ATP2B2: variants seen among roughly 807,000 people sequenced by gnomAD.
ATP2B2 encodes the protein plasma membrane calcium-transporting ATPase 2.
A neutral mutation model predicts 120.0 loss-of-function variants in ATP2B2; 15 were observed. The ratio of observed to expected loss-of-function variants is 0.12; its 90% CI spans 0.08 to 0.19. ATP2B2 has a LOEUF of 0.19. Among genes scored for constraint, ATP2B2 ranks in the 10% least tolerant of loss-of-function variants. ATP2B2 has a pLI of 1.00. For synonymous variants in ATP2B2, 694 were observed against 700.3 expected (o/e 0.99, Z 0.14); for missense variants, 1,045 against 1,719.8 (o/e 0.61, Z 6.94).
At chr3:10,338,044 G>A in intron 22 of ATP2B2, 132 bp downstream of exon 22, 1 of 1,189,366 alleles carries the variant, frequency 8.4e-7, no homozygotes, top group Non-Finnish European at 1.2e-6. Flanking sequence ...GTGAGAGCTG[G>A]CCGGGACCCC....
chr3:10,513,251 A>G (rs1434971717), intron 3 of ATP2B2, among the ~76,000 whole-genome samples: 1 of 152,050 alleles, frequency 6.6e-6, no homozygotes. Flanking sequence ...TGCAGGCTGG[A>G]GTGGGAGTTC....
chr3:10,704,619 C>T lies in ATP2B2; in HGVS notation c.-460+3296G>A, dbSNP rs180731614. On this transcript the variant is annotated intron_variant, in intron 1 of 21. Coordinates refer to the ATP2B2 transcript ENST00000646379. ...ATTCTCTTCTGCTTCCCAAATATTT[C>T]TAGCCTGATTTTTCAATCCCAAGGC... is the stretch of plus-strand genomic sequence containing the variant. Among the ~76,000 whole-genome samples, 5 of 152,330 alleles carry T rather than the reference C, an allele frequency of 3.3e-5. No homozygotes were observed. In the East Asian group the frequency reaches 9.6e-4, roughly 29 times the overall value.
intron 2 of ATP2B2, among the ~76,000 whole-genome samples, chr3:10,596,655 A>G (rs2068771105): frequency 6.6e-6 from 1 of 152,244 alleles, no homozygotes; most frequent in African/African-American, 2.4e-5. Context: ...CCCAGACAGG[A>G]TTGTGAATTC....
chr3:10,629,553 G>C (rs1168195181), intron 1 of ATP2B2, among the ~76,000 whole-genome samples: 1 of 152,192 alleles, frequency 6.6e-6, no homozygotes. Context: ...ATCCTCACCT[G>C]CCCTGTGGGT....
intron 8 of ATP2B2, among the ~76,000 whole-genome samples, chr3:10,384,859 G>A (rs1411901702): frequency 1.3e-5 from 2 of 152,226 alleles, no homozygotes; most frequent in Non-Finnish European, 2.9e-5. Context: ...TAGAGCCTTT[G>A]CTGGGGACCC....
intron 1 of ATP2B2, among the ~76,000 whole-genome samples, chr3:10,641,006 C>G (rs575690682): frequency 2.0e-4 from 30 of 152,182 alleles, no homozygotes; most frequent in Non-Finnish European, 4.1e-4. Context: ...TCCTGACCAA[C>G]AGTGGGGGTG....
chr3:10,587,369 TTTTA>T lies in ATP2B2; in HGVS notation c.-415+32544_-415+32547del, dbSNP rs558746966. Among the ~76,000 whole-genome samples, 924 of 151,856 alleles carry T rather than the reference TTTTA, an allele frequency of 6.1e-3. 11 individuals carry two copies. Among genetic ancestry groups the T allele is most frequent in the African/African-American group, 0.021 (856 of 41,412 alleles). On this transcript the variant is annotated intron_variant, in intron 2 of 21. Transcript: ENST00000646379. ...ATAAAGAGACAGGGTTGTTTAGTTG[TTTTA>T]TTTAATTAATTTATTTTTATTTATT...
chr3:10,478,602 G>A (rs1027387428), intron 1 of ATP2B2, among the ~76,000 whole-genome samples: 1 of 152,168 alleles, frequency 6.6e-6, no homozygotes, highest in African/African-American at 2.4e-5. Flanking sequence ...TGCCACCAAA[G>A]GCCTCATCTT....
At chr3:10,698,071 C>G (rs1241314657) in intron 1 of ATP2B2, among the ~76,000 whole-genome samples, 1 of 152,216 alleles carries the variant, frequency 6.6e-6, no homozygotes, top group African/African-American at 2.4e-5. Flanking sequence ...GTGTCAGTTT[C>G]TGCCTGTGCT....
At chr3:10,649,936 C>G (rs2070412570) in intron 1 of ATP2B2, among the ~76,000 whole-genome samples, 1 of 152,322 alleles carries the variant, frequency 6.6e-6, no homozygotes, top group Middle Eastern at 3.4e-3. Flanking sequence ...AAGTGTAAGT[C>G]CAATGGACGT....
chr3:10,350,461 C>T lies in ATP2B2; in HGVS notation c.2253G>A (p.Gly751=). 1.2e-6 allele frequency: 2 copies of T among 1,614,236 alleles called. No homozygotes were observed. Among genetic ancestry groups the T allele is most frequent in the Non-Finnish European group, 1.7e-6 (2 of 1,180,038 alleles). The part of the protein sequence containing the change: ...IAIKCGIIHP[G]EDFLCLEGKE... The stretch of plus-strand genomic sequence containing the variant: ...TGCCCTCGAGGCACAGAAAGTCCTC[C>T]CCAGGATGGATGATGCCACACTTGA... The change falls in exon 15 of 23, where the codon GGG becomes GGA. Residue 751 remains glycine, a synonymous_variant. Coordinates refer to ENST00000360273, the MANE Select transcript of ATP2B2 (RefSeq NM_001001331.4).
chr3:10,560,357 G>A (rs982149827), intron 2 of ATP2B2, among the ~76,000 whole-genome samples: 5 of 152,186 alleles, frequency 3.3e-5, no homozygotes, highest in Non-Finnish European at 5.9e-5. Flanking sequence ...GTTCCTGGGA[G>A]GTGCGGCCAA....
intron 2 of ATP2B2, among the ~76,000 whole-genome samples, chr3:10,614,883 G>T (rs2069341494): frequency 6.6e-6 from 1 of 152,226 alleles, no homozygotes; most frequent in Non-Finnish European, 1.5e-5. Context: ...CAGAAAAGCT[G>T]CTGAGAGAAG....
At chr3:10,591,141 T>C (rs1415414662) in intron 2 of ATP2B2, among the ~76,000 whole-genome samples, 1 of 152,020 alleles carries the variant, frequency 6.6e-6, no homozygotes, top group Non-Finnish European at 1.5e-5. Context: ...TTTTCCACCA[T>C]GAATGGCCCT....
intron 2 of ATP2B2, among the ~76,000 whole-genome samples, chr3:10,544,276 C>T (rs2067498672): frequency 6.6e-6 from 1 of 152,118 alleles, no homozygotes. Context: ...GTGCCACTCA[C>T]CACAAATAGG....
chr3:10,341,940 C>T (rs996707123), intron 19 of ATP2B2, among the ~76,000 whole-genome samples: 22 of 152,254 alleles, frequency 1.4e-4, no homozygotes, highest in African/African-American at 4.6e-4. Flanking sequence ...CTCCATCACA[C>T]TCTGGGCTTT....
chr3:10,519,582 AC>A (rs1364555272), intron 3 of ATP2B2, among the ~76,000 whole-genome samples: 1 of 152,158 alleles, frequency 6.6e-6, no homozygotes, highest in Non-Finnish European at 1.5e-5. Context: ...CCCTGCCCCT[AC>A]CCCACCTCTG....
chr3:10,358,036 G>A (rs998341062), intron 14 of ATP2B2, among the ~76,000 whole-genome samples: 4 of 152,192 alleles, frequency 2.6e-5, no homozygotes, highest in African/African-American at 4.8e-5. Context: ...GATAGGCATC[G>A]CCTCCCTTGA....
intron 2 of ATP2B2, among the ~76,000 whole-genome samples, chr3:10,569,583 T>C (rs552704594): frequency 3.9e-5 from 6 of 152,330 alleles, no homozygotes; most frequent in East Asian, 1.9e-4. Flanking sequence ...CCTGACCTCA[T>C]GGATATTAAT....
Sources: allele counts gnomAD v4.1 joint callset (sites outside exome capture counted in the v4.1 genomes callset), GRCh38; gene constraint gnomAD v4.1.1; transcripts MANE v1.5; gene names NCBI Gene and HGNC (gene_info 2026-07-23, HGNC 2026-07-21).